The following TLCD4 variants were observed in gnomAD, a reference collection of about 807,000 sequenced individuals.
TLCD4 encodes TLC domain containing 4.
In TLCD4, 7 loss-of-function variants were observed where a neutral mutation model predicts 24.2. The ratio of observed to expected loss-of-function variants is 0.29; its 90% CI spans 0.16 to 0.54. TLCD4 has a LOEUF of 0.54. TLCD4 is among the 20% of genes least tolerant of loss of function. The pLI, the probability that TLCD4 is intolerant of heterozygous loss-of-function variation, is 0.95. For synonymous variants in TLCD4, 103 were observed against 106.4 expected (o/e 0.97, Z 0.20); for missense variants, 259 against 313.9 (o/e 0.82, Z 1.32).
chr1:95,159,528 T>TG (rs1484780581), intron 5 of TLCD4, among the ~76,000 whole-genome samples: 5 of 152,232 alleles, frequency 3.3e-5, no homozygotes, highest in African/African-American at 1.2e-4. Context: ...CATTTGTCAC[T>TG]TTTGGCTTTT....
In TLCD4 at chr1:95,130,756, G is replaced by A. The variant is rs1557679229; in HGVS notation, c.-11-13135G>A. 2.0e-5 allele frequency among the ~76,000 whole-genome samples: 3 copies of A among 152,128 alleles called. No homozygotes were observed. The South Asian group carries it at 6.2e-4, about 32-fold the overall frequency. The stretch of plus-strand genomic sequence containing the variant: ...AATAAGTCAATAAATCAGTACTTCT[G>A]CAGTTGATAAGAATGTTAAAGTACA... On this transcript the variant is annotated intron_variant, in intron 1 of 6. Transcript: ENST00000370203.
Position 95,136,254 on chromosome 1 carries a change from G to T in TLCD4, c.-11-7637G>T, listed in dbSNP as rs76048923. ...ATGAGCCTGAAATTTGTTTTTTTTT[G>T]TGTGTGTTTAGTATTGTTGTTATAC... On this transcript the variant is annotated intron_variant, in intron 1 of 6. Transcript: ENST00000370203. 1.1e-3 allele frequency among the ~76,000 whole-genome samples: 174 copies of T among 151,358 alleles called. No individual in the cohort carries two copies. The East Asian group carries it at 0.028, about 24-fold the overall frequency.
In TLCD4 at chr1:95,118,290, C is replaced by T. The variant is rs980597201; in HGVS notation, c.-12+673C>T. Among the ~76,000 whole-genome samples the T allele has an allele frequency of 4.6e-5, 7 of 152,168 alleles. 1 individual carries two copies. Among genetic ancestry groups the T allele is most frequent in the African/African-American group, 1.7e-4 (7 of 41,426 alleles). On this transcript the variant is annotated intron_variant, in intron 1 of 6. Transcript: ENST00000370203. ...CCCCTAAGTGCCTCGGTTTACCCAG[C>T]CATGAAATGGGATTCGTAATGCCAG...
At chr1:95,101,638 T>G in the TLCD4 span, among the ~76,000 whole-genome samples, 1 of 152,180 alleles carries the variant, frequency 6.6e-6, no homozygotes, top group Non-Finnish European at 1.5e-5. Context: ...TGTTTGTTTT[T>G]GTCTTTTTAA....
intron 5 of TLCD4, among the ~76,000 whole-genome samples, chr1:95,172,305 C>T (rs1215021569): frequency 6.6e-6 from 1 of 152,204 alleles, no homozygotes; most frequent in Non-Finnish European, 1.5e-5. Flanking sequence ...AATTAATCTG[C>T]ACTTCTTCCA....
At position 95,174,423 on chromosome 1, in the gene TLCD4, C is replaced by A. The variant is rs1678344831; in HGVS notation, c.473+534C>A. On this transcript the variant is annotated intron_variant, in intron 6 of 6. Coordinates refer to ENST00000370203, the MANE Select transcript of TLCD4 (RefSeq NM_152487.3). ...AGGGGCTCACGTCTATAAATCCCAG[C>A]ACTTTGGGAGGTTGAGGCAGGAGGA... 4.7e-5 allele frequency among the ~76,000 whole-genome samples: 7 copies of A among 149,554 alleles called. No homozygotes were observed. The Admixed American group carries it at 4.7e-4, about 10-fold the overall frequency.
chr1:95,187,926 C>T (rs1429326424), intron 6 of TLCD4, among the ~76,000 whole-genome samples: 1 of 152,090 alleles, frequency 6.6e-6, no homozygotes, highest in Non-Finnish European at 1.5e-5. Context: ...CACATGGCCT[C>T]TTCTCCGTGT....
chr1:95,133,261 C>G (rs1264408372), intron 1 of TLCD4, among the ~76,000 whole-genome samples: 1 of 151,942 alleles, frequency 6.6e-6, no homozygotes, highest in Non-Finnish European at 1.5e-5. Flanking sequence ...GGAGGGATAG[C>G]ATTAGCAGAT....
intron 5 of TLCD4, among the ~76,000 whole-genome samples, chr1:95,167,759 AG>A (rs1185014464): frequency 3.9e-5 from 6 of 152,212 alleles, no homozygotes; most frequent in African/African-American, 1.2e-4. Flanking sequence ...TATCTCAAGT[AG>A]CAGAGCATAT....
chr1:95,148,110 C>T (rs760268307), intron 2 of TLCD4, among the ~76,000 whole-genome samples: 1 of 152,116 alleles, frequency 6.6e-6, no homozygotes, highest in African/African-American at 2.4e-5. Context: ...TAAAGAGGGA[C>T]TAATAATAGC....
At chr1:95,096,542 G>A in the TLCD4 span, among the ~76,000 whole-genome samples, 1 of 152,152 alleles carries the variant, frequency 6.6e-6, no homozygotes, top group Non-Finnish European at 1.5e-5. Flanking sequence ...ATGTCTCTGA[G>A]GAAATCATGA....
At chr1:95,105,252 G>GA in the TLCD4 span, among the ~76,000 whole-genome samples, 4 of 152,112 alleles carry the variant, frequency 2.6e-5, no homozygotes. Flanking sequence ...TTGTAAAGTC[G>GA]AAAAATTGTT....
intron 5 of TLCD4, among the ~76,000 whole-genome samples, chr1:95,153,037 C>G (rs1041906494): frequency 6.6e-6 from 1 of 151,838 alleles, no homozygotes; most frequent in Non-Finnish European, 1.5e-5. Context: ...CAATATGCAT[C>G]AATTTCCAAG....
chr1:95,113,434 C>A (rs1183748781), upstream of TLCD4, among the ~76,000 whole-genome samples: 2 of 152,058 alleles, frequency 1.3e-5, no homozygotes, highest in East Asian at 3.9e-4. Context: ...GGTAAAAGAG[C>A]TAAATCCTCA....
intron 1 of TLCD4, among the ~76,000 whole-genome samples, chr1:95,127,580 C>T (rs2100910146): frequency 6.6e-6 from 1 of 152,340 alleles, no homozygotes; most frequent in East Asian, 1.9e-4. Context: ...GTGATCCCTC[C>T]AGGAAGGGAA....
At chr1:95,095,781 G>A in the TLCD4 span, among the ~76,000 whole-genome samples, 12 of 152,166 alleles carry the variant, frequency 7.9e-5, no homozygotes, top group Non-Finnish European at 7.3e-5. Context: ...ATTAAGTAAG[G>A]ACTAAATGAT....
Position 95,191,983 on chromosome 1 carries a change from G to T in TLCD4, c.*115G>T. 6.9e-7 allele frequency: 1 copy of T among 1,456,046 alleles called. No homozygotes were observed. The highest frequency in any genetic ancestry group is 9.0e-7 in the Non-Finnish European group (1 of 1,111,994). The allele number at this position is 1,456,046 out of a possible 1,614,324, so 90.2% of individuals were successfully genotyped here. On this transcript the variant is annotated 3_prime_UTR_variant, in exon 7 of 7. Coordinates refer to ENST00000370203, the MANE Select transcript of TLCD4 (RefSeq NM_152487.3). ...ATTATAATTGTTATTCAGGATTTCA[G>T]TGTCATTTTTTTTAAACCTTAGAAA... is the stretch of plus-strand genomic sequence containing the variant.
Position 95,151,368 on chromosome 1 carries a change from A to AT in TLCD4, c.354dup (p.Ile119TyrfsTer44). 2.5e-6 allele frequency: 4 copies of AT among 1,613,270 alleles called. No homozygotes were observed. The highest frequency in any genetic ancestry group is 3.4e-6 in the Non-Finnish European group (4 of 1,179,470). The stretch of plus-strand genomic sequence containing the variant: ...TGTATTGGAAAGTGATTGGTGACAA[A>AT]TTTTTTATAATGCATCATTGTGCGT... On this transcript the variant is annotated frameshift_variant, in exon 5 of 7. Coordinates refer to ENST00000370203, the MANE Select transcript of TLCD4 (RefSeq NM_152487.3). LOFTEE classifies it high-confidence loss of function.
chr1:95,172,748 G>A (rs1678272632), intron 5 of TLCD4, among the ~76,000 whole-genome samples: 1 of 151,908 alleles, frequency 6.6e-6, no homozygotes, highest in Non-Finnish European at 1.5e-5. Context: ...TTTTTTTAAT[G>A]CTTCATATTG....
Sources: allele counts gnomAD v4.1 joint callset (sites outside exome capture counted in the v4.1 genomes callset), GRCh38; gene constraint gnomAD v4.1.1; transcripts MANE v1.5; gene names NCBI Gene and HGNC (gene_info 2026-07-23, HGNC 2026-07-21).